Variants in ROBO3 observed in about 807,000 individuals in gnomAD.
The protein encoded by ROBO3 is roundabout guidance receptor 3, also known as roundabout homolog 3.
A neutral mutation model predicts 160.5 loss-of-function variants in ROBO3; 97 were observed. The ratio of observed to expected loss-of-function variants is 0.60; its 90% CI spans 0.51 to 0.72. ROBO3 has a LOEUF of 0.72. Ranked by LOEUF, ROBO3 falls within the 30% of genes least tolerant of loss-of-function variation. The pLI is 0.00. For synonymous variants in ROBO3, 780 were observed against 746.2 expected (o/e 1.05, Z -0.74); for missense variants, 1,858 against 1,846.5 (o/e 1.01, Z -0.11).
chr11:124,865,552 A>C lies in ROBO3; in HGVS notation c.-26A>C. The C allele has an allele frequency of 6.2e-7, 1 of 1,607,502 alleles. No homozygotes were observed. The highest frequency in any genetic ancestry group is 8.5e-7 in the Non-Finnish European group (1 of 1,178,750). ...CCCAGGGGCTGGGCCCCCAGCCCCC[A>C]GTCCCGATCCCAGCTGGGTCGAGCC... On this transcript the variant is annotated 5_prime_UTR_variant, in exon 1 of 28. Transcript: ENST00000397801. This position sits in a 1 kb window ranked among gnomAD's most constrained non-coding sequence, Gnocchi z 5.5.
Position 124,869,731 on chromosome 11 carries a change from A to T in ROBO3, c.645+124A>T. On this transcript the variant is annotated intron_variant, in intron 3 of 27. Coordinates refer to ENST00000397801, the MANE Select transcript of ROBO3 (RefSeq NM_022370.4). This position sits in a 1 kb window ranked among gnomAD's most constrained non-coding sequence, Gnocchi z 4.2. ...GAGACTAAGAGTCAGCTATACAGTG[A>T]GGGATAAGGAAGACGGAATTGGTAT... The T allele has an allele frequency of 7.8e-7, 1 of 1,283,510 alleles. No individual in the cohort carries two copies. The highest frequency in any genetic ancestry group is 2.0e-4 in the Middle Eastern group (1 of 5,076). The allele number at this position is 1,283,510 out of a possible 1,614,324, so 79.5% of individuals were successfully genotyped here.
In ROBO3 at chr11:124,876,081, G is replaced by A; in HGVS notation, c.2549G>A (p.Ser850Asn). Residue 850 changes from serine (S) to asparagine (N), a missense_variant, in exon 16 of 28, where the codon AGC becomes AAC. Physicochemically the swap from Ser to Asn is conservative, Grantham distance 46 (BLOSUM62 1). Transcript: ENST00000397801. The surrounding 1 kb of genome is among the most constrained non-coding windows in gnomAD (Gnocchi z 5.3). ...CGAACCCTGGTCGCGGCGGCCACCA[G>A]CGCAGGCGTGGGCGTGCCCAGTGCC... ...LYRTLVAAAT[S>N]AGVGVPSAPV... 1 of 1,609,126 alleles carries A rather than the reference G, an allele frequency of 6.2e-7. No individual in the cohort carries two copies. Among genetic ancestry groups the A allele is most frequent in the Admixed American group, 1.7e-5 (1 of 59,868 alleles).
Position 124,873,252 on chromosome 11 carries a change from C to A in ROBO3, c.1537-58C>A. 6.6e-7 allele frequency: 1 copy of A among 1,508,054 alleles called. No individual in the cohort carries two copies. Among genetic ancestry groups the A allele is most frequent in the South Asian group, 1.2e-5 (1 of 84,256 alleles). 93.4% of individuals were successfully genotyped at this position (1,508,054 alleles called of 1,614,324 possible). On this transcript the variant is annotated intron_variant, in intron 9 of 27. Coordinates refer to ENST00000397801, the MANE Select transcript of ROBO3 (RefSeq NM_022370.4). The surrounding 1 kb of genome is among the most constrained non-coding windows in gnomAD (Gnocchi z 4.5). ...CCCATCCTTCTGCTACCCGCCTCCACCCCCTCACTGGATCTTGCTCCACTC... is the reference window on the plus strand; with the variant it reads ...CCCATCCTTCTGCTACCCGCCTCCAACCCCTCACTGGATCTTGCTCCACTC...
In ROBO3 at chr11:124,870,215, G is replaced by T; in HGVS notation, c.817G>T (p.Ala273Ser). ...RPVNQVVLAD[A>S]PVTFLCEVKG... ...AGTGAATCAGGTGGTCCTGGCTGAT[G>T]CCCCTGTGACTTTCCTATGTGAGGT... Residue 273 changes from alanine (A) to serine (S), a missense_variant, in exon 5 of 28, where the codon GCC becomes TCC. Transcript: ENST00000397801. 1.2e-6 allele frequency: 2 copies of T among 1,614,054 alleles called. No homozygotes were observed. The highest frequency in any genetic ancestry group is 1.7e-6 in the Non-Finnish European group (2 of 1,179,906).
Position 124,881,411 on chromosome 11 carries a change from T to C in ROBO3, c.*161T>C, listed in dbSNP as rs182482465. 4.5e-6 allele frequency: 3 copies of C among 672,544 alleles called. No homozygotes were observed. Among genetic ancestry groups the C allele is most frequent in the Non-Finnish European group, 7.7e-6 (3 of 388,662 alleles). 41.7% of individuals were successfully genotyped at this position (672,544 alleles called of 1,614,324 possible). On this transcript the variant is annotated 3_prime_UTR_variant, in exon 28 of 28. Coordinates refer to ENST00000397801, the MANE Select transcript of ROBO3 (RefSeq NM_022370.4). ...AGAGCTAGCTCCTCCCTTTCTTTCT[T>C]TTTCCACCTGAGACTTGTTTATAAA...
rs1946254015 is a variant in ROBO3 at position 124,869,696 on chromosome 11, T to C, written c.645+89T>C. 1 of 1,404,406 alleles carries C rather than the reference T, an allele frequency of 7.1e-7. No individual in the cohort carries two copies. The highest frequency in any genetic ancestry group is 1.4e-5 in the African/African-American group (1 of 69,514). 87.0% of individuals were successfully genotyped at this position (1,404,406 alleles called of 1,614,324 possible). A position where few individuals can be genotyped will look rare whatever the true frequency, so the allele number is the denominator to read the frequency against. Reference sequence around the variant, plus strand: ...AGGCTGGAGATTGAGATCAGGGCATTAGCTAACCAGAGACTAAGAGTCAGC... The same window carrying C: ...AGGCTGGAGATTGAGATCAGGGCATCAGCTAACCAGAGACTAAGAGTCAGC... On this transcript the variant is annotated intron_variant, in intron 3 of 27. Coordinates refer to ENST00000397801, the MANE Select transcript of ROBO3 (RefSeq NM_022370.4). This position sits in a 1 kb window ranked among gnomAD's most constrained non-coding sequence, Gnocchi z 4.2.
chr11:124,865,465 T>G lies in ROBO3; in HGVS notation c.-113T>G, dbSNP rs1372195154. The G allele has an allele frequency of 9.2e-7, 1 of 1,088,008 alleles. No individual in the cohort carries two copies. The highest frequency in any genetic ancestry group is 1.6e-5 in the African/African-American group (1 of 63,436). The allele number at this position is 1,088,008 out of a possible 1,614,324, so 67.4% of individuals were successfully genotyped here. Reference sequence around the variant, plus strand: ...GCGCACCGGCAGGAGAGCGGCACCGTGGCTGCCGCAGCGCGCAGAGGCTGT... The same window carrying G: ...GCGCACCGGCAGGAGAGCGGCACCGGGGCTGCCGCAGCGCGCAGAGGCTGT... On this transcript the variant is annotated 5_prime_UTR_variant, in exon 1 of 28. Transcript: ENST00000397801. The surrounding 1 kb of genome is among the most constrained non-coding windows in gnomAD (Gnocchi z 5.5).
At position 124,878,587 on chromosome 11, in the gene ROBO3, A is replaced by G. The variant is rs1276935362; in HGVS notation, c.3324A>G (p.Ser1108=). ...TCTCCTGCCTCTTTGATCCCAGCTC[A>G]GAGCCAGAGGAGTGGTGCCCGCCAA... ...EGPEEELEGS[S]EPEEWCPPMP... The change falls in exon 23 of 28, where the codon TCA becomes TCG. Residue 1108 remains serine, a synonymous_variant. Transcript: ENST00000397801. The surrounding 1 kb of genome is among the most constrained non-coding windows in gnomAD (Gnocchi z 4.3). 1 of 1,610,494 alleles carries G rather than the reference A, an allele frequency of 6.2e-7. No homozygotes were observed. Among genetic ancestry groups the G allele is most frequent in the Non-Finnish European group, 8.5e-7 (1 of 1,178,416 alleles).
In ROBO3 at chr11:124,873,706, G is replaced by A. The variant is rs372770487; in HGVS notation, c.1628G>A (p.Gly543Glu). 79 of 1,611,684 alleles carry A rather than the reference G, an allele frequency of 4.9e-5. No individual in the cohort carries two copies. Among genetic ancestry groups the A allele is most frequent in the Non-Finnish European group, 6.4e-5 (76 of 1,178,912 alleles). ...SGWLKMREDW[G>E]VSPDPPTEPS... ...TTATCTCCCACTGCAGAAGACTGGG[G>A]AGTATCACCAGACCCCCCTACAGAA... The change falls in exon 11 of 28, where the codon GGA becomes GAA. Residue 543 changes from glycine to glutamate, a missense_variant. By Grantham distance (98) the Gly-to-Glu change is moderately conservative (BLOSUM62 -2). Coordinates refer to ENST00000397801, the MANE Select transcript of ROBO3 (RefSeq NM_022370.4). This position sits in a 1 kb window ranked among gnomAD's most constrained non-coding sequence, Gnocchi z 4.5.
intron 20 of ROBO3, 45 bp from the exon 21 acceptor site, chr11:124,877,890 CTA>C (rs766208047): frequency 4.4e-6 from 6 of 1,353,274 alleles, no homozygotes; most frequent in South Asian, 2.5e-5. Flanking sequence ...CTGTTGTCCT[CTA>C]TGTTTCTGTC....
Position 124,876,878 on chromosome 11 carries a change from A to G in ROBO3, c.2780-283A>G. On this transcript the variant is annotated intron_variant, in intron 17 of 27. Transcript: ENST00000397801. This position sits in a 1 kb window ranked among gnomAD's most constrained non-coding sequence, Gnocchi z 5.3. ...GGGCCCGCTGAAAGAAGGCGATCCGAGTTCTGCTACTTCCTAGTAAGGGAC... is the reference window on the plus strand; with the variant it reads ...GGGCCCGCTGAAAGAAGGCGATCCGGGTTCTGCTACTTCCTAGTAAGGGAC... 1.7e-6 allele frequency: 1 copy of G among 572,164 alleles called. No homozygotes were observed. Among genetic ancestry groups the G allele is most frequent in the Non-Finnish European group, 3.1e-6 (1 of 322,128 alleles). 35.4% of individuals were successfully genotyped at this position (572,164 alleles called of 1,614,324 possible). A position where few individuals can be genotyped will look rare whatever the true frequency, so the allele number is the denominator to read the frequency against.
In ROBO3 at chr11:124,874,206, A is replaced by G; in HGVS notation, c.1921A>G (p.Ser641Gly). ...AVGAWGLSEP[S>G]PVSEPVRTQD... is the part of the protein sequence containing the mutation. The stretch of plus-strand genomic sequence containing the variant: ...GGGAGCCTGGGGCCTCAGTGAGCCC[A>G]GCCCCGTCTCTGAGCCTGTCCGTAC... Residue 641 changes from serine to glycine, a missense_variant, in exon 12 of 28, where the codon AGC (serine) becomes GGC (glycine). Physicochemically the swap from Ser to Gly is moderately conservative, Grantham distance 56 (BLOSUM62 0). Transcript: ENST00000397801. 8.7e-6 allele frequency: 14 copies of G among 1,613,964 alleles called. No homozygotes were observed. The highest frequency in any genetic ancestry group is 1.2e-5 in the Non-Finnish European group (14 of 1,179,866).
Position 124,876,967 on chromosome 11 carries a change from G to C in ROBO3, c.2780-194G>C, listed in dbSNP as rs1946393592. ...TTTCAATCTTGGTTGGCTACACATA[G>C]GAATCACTTGAGGGGCTTGAGAAAA... On this transcript the variant is annotated intron_variant, in intron 17 of 27. Coordinates refer to ENST00000397801, the MANE Select transcript of ROBO3 (RefSeq NM_022370.4). The surrounding 1 kb of genome is among the most constrained non-coding windows in gnomAD (Gnocchi z 5.3). 2 of 683,618 alleles carry C rather than the reference G, an allele frequency of 2.9e-6. No individual in the cohort carries two copies. Among genetic ancestry groups the C allele is most frequent in the East Asian group, 5.4e-5 (2 of 37,374 alleles). 42.3% of individuals were successfully genotyped at this position (683,618 alleles called of 1,614,324 possible).
chr11:124,870,550 G>C, intron 5 of ROBO3, 51 bp from the exon 6 acceptor site: 1 of 1,612,108 alleles, frequency 6.2e-7, no homozygotes, highest in Non-Finnish European at 8.5e-7. Flanking sequence ...GGGGGAGAGA[G>C]AAAGGGTCTG....
chr11:124,869,531 C>A lies in ROBO3; in HGVS notation c.569C>A (p.Pro190His). 2 of 1,562,296 alleles carry A rather than the reference C, an allele frequency of 1.3e-6. No homozygotes were observed. Among genetic ancestry groups the A allele is most frequent in the Non-Finnish European group, 1.7e-6 (2 of 1,153,050 alleles). ...GEPAVLECVP[P>H]RGHPEPSVSW... ...CCAGCAGTACTGGAATGCGTGCCCC[C>A]CCGCGGCCACCCGGAGCCTTCCGTG... Residue 190 changes from proline (P) to histidine (H), a missense_variant, in exon 3 of 28, where the codon CCC (proline) becomes CAC (histidine). Physicochemically the swap from Pro to His is moderately conservative, Grantham distance 77. Coordinates refer to ENST00000397801, the MANE Select transcript of ROBO3 (RefSeq NM_022370.4). This position sits in a 1 kb window ranked among gnomAD's most constrained non-coding sequence, Gnocchi z 4.2.
intron 1 of ROBO3, among the ~76,000 whole-genome samples, chr11:124,866,468 C>A (rs899439790): frequency 6.6e-6 from 1 of 152,232 alleles, no homozygotes; most frequent in Non-Finnish European, 1.5e-5. Flanking sequence ...CCCTGCCTGC[C>A]GCATCGGGAA....
In ROBO3 at chr11:124,877,611, G is replaced by A. The variant is rs1946423532; in HGVS notation, c.2939G>A (p.Gly980Glu). 1 of 1,609,900 alleles carries A rather than the reference G, an allele frequency of 6.2e-7. No individual in the cohort carries two copies. Among genetic ancestry groups the A allele is most frequent in the Admixed American group, 1.7e-5 (1 of 59,478 alleles). ...SRSPSAQEPRGSCCPSNPDPD... is the reference protein window; with the variant it reads ...SRSPSAQEPRESCCPSNPDPD... ...AGCCCCTCGGCCCAGGAACCCAGGG[G>A]AAGCTGCTGCCCTAGCAATCCTGAC... is the stretch of plus-strand genomic sequence containing the variant. The change falls in exon 20 of 28, where the codon GGA (glycine) becomes GAA (glutamate). Residue 980 changes from glycine (G) to glutamate (E), a missense_variant. Physicochemically the swap from Gly to Glu is moderately conservative, Grantham distance 98. Transcript: ENST00000397801.
chr11:124,870,887 G>T, intron 6 of ROBO3, 127 bp from the exon 7 acceptor site: 4 of 1,515,130 alleles, frequency 2.6e-6, no homozygotes, highest in African/African-American at 1.4e-5. Flanking sequence ...TAAACAGGCC[G>T]GGAGGAAGAG....
chr11:124,879,419 G>T, intron 24 of ROBO3, 46 bp from the exon 25 acceptor site: 2 of 1,609,194 alleles, frequency 1.2e-6, no homozygotes, highest in East Asian at 2.2e-5. Context: ...CCTTTTTCCT[G>T]ATTTTTGCCC....
Sources: gnomAD v4.1 joint callset for allele counts (sites outside exome capture counted in the v4.1 genomes callset) on GRCh38, gnomAD v4.1.1 for gene constraint, Gnocchi (gnomAD v3.1) non-coding constraint, MANE v1.5 for transcripts, NCBI Gene and HGNC (gene_info 2026-07-23, HGNC 2026-07-21) for gene names.